The following CNTN5 variants were observed in gnomAD, a reference collection of about 807,000 sequenced individuals.
CNTN5 encodes the protein contactin-5.
A neutral mutation model predicts 129.1 loss-of-function variants in CNTN5; 77 were observed. The observed-to-expected ratio is 0.60, with a 90% CI of 0.50 to 0.72. The LOEUF (loss-of-function observed/expected upper bound fraction) is 0.72, where lower values mean the gene tolerates loss of function less well. Among genes scored for constraint, CNTN5 ranks in the 30% least tolerant of loss-of-function variants. The pLI is 0.00. For missense variants in CNTN5, 1,478 were observed against 1,328.8 expected, an observed-to-expected ratio of 1.11 and a Z score of -1.75; for synonymous variants, 509 against 465.6, an observed-to-expected ratio of 1.09 and a Z score of -1.20.
chr11:99,342,733 A>T (rs1234430959), intron 2 of CNTN5, among the ~76,000 whole-genome samples: 1 of 151,720 alleles, frequency 6.6e-6, no homozygotes, highest in East Asian at 1.9e-4. Context: ...CTTATCTGAA[A>T]AAAGAAAGAA....
chr11:100,058,213 A>T (rs1943313059), intron 9 of CNTN5, among the ~76,000 whole-genome samples: 1 of 152,120 alleles, frequency 6.6e-6, no homozygotes, highest in African/African-American at 2.4e-5. Context: ...TAAACAATAC[A>T]ATCAAGGAAA....
chr11:100,269,197 T>G (rs141309228), intron 17 of CNTN5, among the ~76,000 whole-genome samples: 20 of 152,302 alleles, frequency 1.3e-4, no homozygotes, highest in African/African-American at 4.3e-4. Flanking sequence ...TGATGATAGT[T>G]CAAGTGAGAT....
chr11:99,322,690 A>G (rs1158842604), intron 1 of CNTN5, among the ~76,000 whole-genome samples: 34 of 152,220 alleles, frequency 2.2e-4, no homozygotes, highest in Admixed American at 2.2e-3. Context: ...ACTCTAGGAT[A>G]AGGGACAAAT....
chr11:99,841,804 G>A (rs1398423846), intron 4 of CNTN5, among the ~76,000 whole-genome samples: 4 of 610 alleles, frequency 6.6e-3, no homozygotes, highest in African/African-American at 0.012. Context: ...TATATATGTG[G>A]TGTGTGTGTA....
intron 1 of CNTN5, among the ~76,000 whole-genome samples, chr11:99,192,017 T>A (rs977158292): frequency 2.0e-5 from 3 of 151,584 alleles, no homozygotes; most frequent in African/African-American, 7.3e-5. Flanking sequence ...CTAACTTGAG[T>A]TGTATTTTTT....
chr11:99,228,714 T>A (rs1447019709), intron 1 of CNTN5, among the ~76,000 whole-genome samples: 4 of 152,082 alleles, frequency 2.6e-5, no homozygotes, highest in African/African-American at 7.2e-5. Context: ...TTAGAGATTT[T>A]TTCCTAAGTT....
intron 9 of CNTN5, among the ~76,000 whole-genome samples, chr11:100,024,882 T>C (rs770240420): frequency 3.3e-5 from 5 of 152,192 alleles, no homozygotes; most frequent in African/African-American, 7.2e-5. Context: ...TTGGAACTTA[T>C]GTTTAAAAGG....
At chr11:100,119,248 A>G (rs1037465649) in intron 13 of CNTN5, among the ~76,000 whole-genome samples, 2 of 151,900 alleles carry the variant, frequency 1.3e-5, no homozygotes, top group African/African-American at 4.8e-5. Context: ...TTAAGCTAGA[A>G]ACACATATTA....
At chr11:99,461,534 TG>T (rs1463333013) in intron 2 of CNTN5, among the ~76,000 whole-genome samples, 19 of 151,998 alleles carry the variant, frequency 1.3e-4, no homozygotes, top group Admixed American at 1.2e-3. Flanking sequence ...AAATTTGAAA[TG>T]TTTTTTGCAA....
chr11:99,188,462 A>G (rs182747862), intron 1 of CNTN5, among the ~76,000 whole-genome samples: 46 of 151,878 alleles, frequency 3.0e-4, no homozygotes, highest in Admixed American at 1.7e-3. Context: ...TGCCAATCTG[A>G]TAGGTGAGAA....
chr11:99,088,758 T>C (rs1303815154), intron 1 of CNTN5, among the ~76,000 whole-genome samples: 1 of 152,156 alleles, frequency 6.6e-6, no homozygotes, highest in Non-Finnish European at 1.5e-5. Flanking sequence ...CATGTCAAGG[T>C]AGAAGAGGAT....
At chr11:99,776,499 T>C (rs938120615) in intron 3 of CNTN5, among the ~76,000 whole-genome samples, 24 of 151,894 alleles carry the variant, frequency 1.6e-4, no homozygotes, top group African/African-American at 5.8e-4. Context: ...ATGACTTACA[T>C]AACTCATACT....
chr11:99,259,850 C>A (rs77296573), intron 1 of CNTN5, among the ~76,000 whole-genome samples: 4,311 of 151,846 alleles, frequency 0.028, 183 homozygotes, highest in African/African-American at 0.096. Context: ...AAAACAATAT[C>A]TCGTTATTTG....
At position 100,091,424 on chromosome 11, in the gene CNTN5, C is replaced by CTT. The variant is rs60075209; in HGVS notation, c.1580+17151_1580+17152dup. Among the ~76,000 whole-genome samples, 678 of 114,376 alleles carry CTT rather than the reference C, an allele frequency of 5.9e-3. 1 individual carries two copies. Among genetic ancestry groups the CTT allele is most frequent in the Non-Finnish European group, 7.3e-3 (421 of 57,346 alleles). The allele number at this position is 114,376 out of a possible 152,430, so 75.0% of individuals were successfully genotyped here. On this transcript the variant is annotated intron_variant, in intron 13 of 24. Coordinates refer to ENST00000524871, the MANE Select transcript of CNTN5 (RefSeq NM_014361.4). ...CTTTTTGGTTTATTTTTTATTTATT[C>CTT]TTTTTTTTTTTTTTTTTTTTTTGAG...
chr11:99,640,624 A>G lies in CNTN5; in HGVS notation c.55+84355A>G, dbSNP rs187558110. ...TACTATATTTTTAGTGTACTTTTCT[A>G]TGTTTTAATTACCATTGTGTTATAA... On this transcript the variant is annotated intron_variant, in intron 3 of 24. Transcript: ENST00000524871. Among the ~76,000 whole-genome samples, 143 of 152,258 alleles carry G rather than the reference A, an allele frequency of 9.4e-4. 1 individual carries two copies. Among genetic ancestry groups the G allele is most frequent in the Non-Finnish European group, 1.4e-3 (96 of 68,012 alleles).
chr11:99,955,474 A>C (rs1246195902), intron 7 of CNTN5, among the ~76,000 whole-genome samples: 1 of 152,160 alleles, frequency 6.6e-6, no homozygotes, highest in Admixed American at 6.5e-5. Flanking sequence ...AAATATTTGA[A>C]AGTTTTGGAT....
At chr11:100,193,307 CA>C (rs1948546503) in intron 14 of CNTN5, among the ~76,000 whole-genome samples, 180 bp from the exon 15 acceptor site, 1 of 151,802 alleles carries the variant, frequency 6.6e-6, no homozygotes, top group Non-Finnish European at 1.5e-5. Context: ...TTCTCCCCTA[CA>C]AAAACATGGT....
rs761094237 is a variant in CNTN5, at chr11:100,048,520, CAA to C, written c.981-12691_981-12690del. On this transcript the variant is annotated intron_variant, in intron 9 of 24. Coordinates refer to ENST00000524871, the MANE Select transcript of CNTN5 (RefSeq NM_014361.4). ...ATTTAAAGGAAAACATCAATATAATCAAGAGAGAAATAGAAGTTATCTTTATG... is the reference window on the plus strand; with the variant it reads ...ATTTAAAGGAAAACATCAATATAATCGAGAGAAATAGAAGTTATCTTTATG... Among the ~76,000 whole-genome samples the C allele has an allele frequency of 8.6e-5, 13 of 151,608 alleles. No individual in the cohort carries two copies. The East Asian group carries it at 2.3e-3, about 27-fold the overall frequency.
At chr11:100,170,444 A>T (rs1437646610) in intron 13 of CNTN5, among the ~76,000 whole-genome samples, 3 of 151,986 alleles carry the variant, frequency 2.0e-5, no homozygotes, top group African/African-American at 7.2e-5. Context: ...AAACCTTTCT[A>T]TTTATGGCAC....
Sources: gnomAD v4.1 joint callset for allele counts (sites outside exome capture counted in the v4.1 genomes callset) on GRCh38, gnomAD v4.1.1 for gene constraint, MANE v1.5 for transcripts, NCBI Gene and HGNC (gene_info 2026-07-23, HGNC 2026-07-21) for gene names.